The following ARHGAP24 variants were observed in gnomAD, a reference collection of about 807,000 sequenced individuals.
ARHGAP24 encodes rho GTPase-activating protein 24.
A neutral mutation model predicts 76.4 loss-of-function variants in ARHGAP24; 50 were observed. The ratio of observed to expected loss-of-function variants is 0.65; its 90% CI spans 0.52 to 0.83. ARHGAP24 has a LOEUF of 0.83. ARHGAP24 is among the 40% of genes least tolerant of loss of function. The probability of loss-of-function intolerance (pLI) is 0.00; values close to 1 mark genes in which losing one functional copy is unlikely to be tolerated. For synonymous variants in ARHGAP24, 345 were observed against 323.3 expected (o/e 1.07, Z -0.72); for missense variants, 930 against 914.2 (o/e 1.02, Z -0.22).
intron 3 of ARHGAP24, among the ~76,000 whole-genome samples, chr4:85,772,048 A>G (rs1481955918): frequency 6.6e-6 from 1 of 152,206 alleles, no homozygotes; most frequent in Non-Finnish European, 1.5e-5. Flanking sequence ...CTGTGGCACT[A>G]AAATAATTAA....
At chr4:85,871,475 A>C (rs1384087621) in intron 3 of ARHGAP24, among the ~76,000 whole-genome samples, 1 of 152,188 alleles carries the variant, frequency 6.6e-6, no homozygotes, top group Non-Finnish European at 1.5e-5. Flanking sequence ...ATCACTTTCT[A>C]CAGAAAGAAT....
intron 3 of ARHGAP24, among the ~76,000 whole-genome samples, chr4:85,761,991 G>A (rs973561510): frequency 2.6e-5 from 4 of 152,062 alleles, no homozygotes; most frequent in East Asian, 1.9e-4. Context: ...TTTATGTCTC[G>A]CAGCCTTTAT....
intron 3 of ARHGAP24, among the ~76,000 whole-genome samples, chr4:85,758,487 T>G (rs1222147058): frequency 1.3e-5 from 2 of 152,146 alleles, no homozygotes. Flanking sequence ...CCCAGCTCCT[T>G]ATAGGTTGCA....
At chr4:85,939,143 AG>A (rs1736814796) in intron 4 of ARHGAP24, among the ~76,000 whole-genome samples, 1 of 152,192 alleles carries the variant, frequency 6.6e-6, no homozygotes, top group African/African-American at 2.4e-5. Context: ...CCTACCTCAC[AG>A]GATGTTATGA....
chr4:85,989,261 C>T (rs1740182483), intron 8 of ARHGAP24, among the ~76,000 whole-genome samples: 1 of 151,506 alleles, frequency 6.6e-6, no homozygotes, highest in Admixed American at 6.6e-5. Context: ...CTATTATGAA[C>T]AACTTTTTGC....
intron 2 of ARHGAP24, among the ~76,000 whole-genome samples, chr4:85,706,051 T>C (rs1724296443): frequency 6.6e-6 from 1 of 152,110 alleles, no homozygotes; most frequent in Non-Finnish European, 1.5e-5. Context: ...AGAGCCAGAT[T>C]TCAGCTGGGT....
chr4:85,662,727 T>G (rs928144532), intron 2 of ARHGAP24, among the ~76,000 whole-genome samples: 1 of 152,186 alleles, frequency 6.6e-6, no homozygotes, highest in Non-Finnish European at 1.5e-5. Flanking sequence ...GTTTCAGCTT[T>G]CTACATATGG....
At chr4:85,910,873 C>T (rs903668830) in intron 3 of ARHGAP24, among the ~76,000 whole-genome samples, 6 of 152,144 alleles carry the variant, frequency 3.9e-5, no homozygotes, top group African/African-American at 1.4e-4. Flanking sequence ...CAGGTCATCC[C>T]CGGCCTGAAG....
At chr4:85,743,983 G>A (rs1257572259) in intron 3 of ARHGAP24, among the ~76,000 whole-genome samples, 1 of 151,856 alleles carries the variant, frequency 6.6e-6, no homozygotes, top group Non-Finnish European at 1.5e-5. Flanking sequence ...TTTGCCTATG[G>A]TTGCCACCAA....
At chr4:85,710,154 AACAG>A (rs1370166453) in intron 2 of ARHGAP24, among the ~76,000 whole-genome samples, 2 of 152,158 alleles carry the variant, frequency 1.3e-5, no homozygotes, top group Non-Finnish European at 2.9e-5. Flanking sequence ...CTGGTACAAA[AACAG>A]ACACATAGAC....
intron 2 of ARHGAP24, among the ~76,000 whole-genome samples, chr4:85,599,005 TG>T (rs1241995289): frequency 1.3e-5 from 2 of 152,150 alleles, no homozygotes; most frequent in African/African-American, 4.8e-5. Context: ...ATTTACTTTT[TG>T]TACTGACTTC....
intron 2 of ARHGAP24, among the ~76,000 whole-genome samples, chr4:85,622,758 A>G (rs373780888): frequency 2.0e-5 from 3 of 151,924 alleles, no homozygotes; most frequent in East Asian, 1.9e-4. Context: ...TCCAGCACCT[A>G]TTGTTTCCTG....
At chr4:85,646,970 G>T (rs1266644636) in intron 2 of ARHGAP24, among the ~76,000 whole-genome samples, 1 of 152,040 alleles carries the variant, frequency 6.6e-6, no homozygotes, top group African/African-American at 2.4e-5. Flanking sequence ...TAGAAGAGGA[G>T]ATAAACATGA....
At chr4:85,645,108 AT>A (rs1242062319) in intron 2 of ARHGAP24, among the ~76,000 whole-genome samples, 1 of 152,142 alleles carries the variant, frequency 6.6e-6, no homozygotes, top group Non-Finnish European at 1.5e-5. Context: ...ACATCTGTTC[AT>A]TTTTAAACTT....
chr4:85,713,245 G>T (rs1482628389), intron 2 of ARHGAP24, among the ~76,000 whole-genome samples: 2 of 152,154 alleles, frequency 1.3e-5, no homozygotes, highest in African/African-American at 4.8e-5. Context: ...GGCTGAGGTT[G>T]CTGTGAGCTG....
At chr4:85,667,588 C>T (rs1025455680) in intron 2 of ARHGAP24, among the ~76,000 whole-genome samples, 9 of 152,208 alleles carry the variant, frequency 5.9e-5, no homozygotes, top group African/African-American at 1.4e-4. Context: ...CCATCTTCTG[C>T]GTCGCTCACG....
At chr4:85,639,368 G>T (rs1198438507) in intron 2 of ARHGAP24, among the ~76,000 whole-genome samples, 1 of 151,976 alleles carries the variant, frequency 6.6e-6, no homozygotes, top group East Asian at 1.9e-4. Flanking sequence ...GTTATCCTGA[G>T]TATTACATTT....
intron 1 of ARHGAP24, among the ~76,000 whole-genome samples, chr4:85,489,918 G>T (rs1412952806): frequency 6.6e-6 from 1 of 152,094 alleles, no homozygotes; most frequent in East Asian, 1.9e-4. Context: ...TTAGTTTGAT[G>T]TAACGAAGAT....
chr4:85,484,328 T>G (rs1318239011), intron 1 of ARHGAP24, among the ~76,000 whole-genome samples: 2 of 152,164 alleles, frequency 1.3e-5, no homozygotes, highest in African/African-American at 4.8e-5. Flanking sequence ...TTAGAAATTA[T>G]TAAAAATTCA....
Sources: allele counts gnomAD v4.1 joint callset (sites outside exome capture counted in the v4.1 genomes callset), GRCh38; gene constraint gnomAD v4.1.1; transcripts MANE v1.5; gene names NCBI Gene and HGNC (gene_info 2026-07-23, HGNC 2026-07-21).